The following DLG5 variants were observed in gnomAD, a reference collection of about 807,000 sequenced individuals.
DLG5 encodes the protein discs large MAGUK scaffold protein 5.
In DLG5, 48 loss-of-function variants were observed where a neutral mutation model predicts 189.8. The ratio of observed to expected loss-of-function variants is 0.25; its 90% confidence interval spans 0.20 to 0.32. The LOEUF (loss-of-function observed/expected upper bound fraction) is 0.32, where lower values mean the gene tolerates loss of function less well. Among genes scored for constraint, DLG5 ranks in the 10% least tolerant of loss-of-function variants. The probability of loss-of-function intolerance (pLI) is 1.00; values close to 1 mark genes in which losing one functional copy is unlikely to be tolerated. For missense variants in DLG5, 2,160 were observed against 2,544.7 expected, an observed-to-expected ratio of 0.85 and a Z score of 3.25; for synonymous variants, 1,016 against 1,054.1, an observed-to-expected ratio of 0.96 and a Z score of 0.70.
intron 1 of DLG5, among the ~76,000 whole-genome samples, chr10:77,917,920 G>A (rs921585156): frequency 5.3e-5 from 8 of 151,522 alleles, no homozygotes; most frequent in Non-Finnish European, 1.0e-4. Context: ...TCAGCTACCC[G>A]GGAGACTGAG....
At chr10:77,861,949 C>T (rs149870671) in intron 2 of DLG5, among the ~76,000 whole-genome samples, 43 of 152,288 alleles carry the variant, frequency 2.8e-4, no homozygotes, top group African/African-American at 1.0e-3. Flanking sequence ...CCGATGCCTC[C>T]GGCCTTTTGT....
intron 1 of DLG5, among the ~76,000 whole-genome samples, chr10:77,903,497 A>G (rs1336439415): frequency 6.6e-6 from 1 of 152,068 alleles, no homozygotes. Flanking sequence ...GGGCACCTGT[A>G]ATCCCAGCTA....
Position 77,819,991 on chromosome 10 carries a change from C to G in DLG5, c.3430G>C (p.Glu1144Gln). ...EEQKCVPASG[E>Q]LSPELQEWAP... ...CACTCCTGGAGCTCCGGGGAGAGTT[C>G]TCCACTGGCCGGGACACACTTCTGT... is the stretch of plus-strand genomic sequence containing the variant. The change falls in exon 16 of 32, where the codon GAA (glutamate) becomes CAA (glutamine). Residue 1144 changes from glutamate (E) to glutamine (Q), a missense_variant. By Grantham distance (29) the Glu-to-Gln change is conservative. Coordinates refer to ENST00000372391, the MANE Select transcript of DLG5 (RefSeq NM_004747.4). 1.9e-6 allele frequency: 3 copies of G among 1,613,488 alleles called. No homozygotes were observed. The highest frequency in any genetic ancestry group is 2.5e-6 in the Non-Finnish European group (3 of 1,179,900).
chr10:77,817,130 T>A (rs200571904), intron 18 of DLG5, 34 bp from the exon 19 acceptor site: 12 of 1,596,156 alleles, frequency 7.5e-6, no homozygotes, highest in Non-Finnish European at 7.7e-6. Flanking sequence ...ACTTCAGGCC[T>A]CATGGTTAAA....
chr10:77,835,731 C>G lies in DLG5; in HGVS notation c.1622+7G>C, dbSNP rs749545575. ...CAAGCCCACGCCAGCTTGAGGTCAC[C>G]CCATACCGGATGCTGTCACGCTCTG... On this transcript the variant is annotated splice_region_variant and intron_variant, in intron 8 of 31. Coordinates refer to ENST00000372391, the MANE Select transcript of DLG5 (RefSeq NM_004747.4). 1 of 1,607,258 alleles carries G rather than the reference C, an allele frequency of 6.2e-7. No homozygotes were observed. The highest frequency in any genetic ancestry group is 1.1e-5 in the South Asian group (1 of 90,742).
chr10:77,863,013 G>A (rs1844532224), intron 2 of DLG5, among the ~76,000 whole-genome samples: 1 of 152,128 alleles, frequency 6.6e-6, no homozygotes, highest in Non-Finnish European at 1.5e-5. Flanking sequence ...ATGACTATTT[G>A]TCAAAACTTG....
Position 77,819,935 on chromosome 10 carries a change from C to T in DLG5, c.3486G>A (p.Arg1162=), listed in dbSNP as rs146604335. 5.0e-6 allele frequency: 8 copies of T among 1,605,816 alleles called. No homozygotes were observed. Among genetic ancestry groups the T allele is most frequent in the African/African-American group, 1.3e-5 (1 of 74,728 alleles). The part of the protein sequence containing the change: ...WAPYSPGHSS[R]HSNPPLYPSR... ...TAGGGTATAGCGGGGGGTTGCTGTGCCGGCTGGAATGCCCAGGCGAGTAAG... is the reference window on the plus strand; with the variant it reads ...TAGGGTATAGCGGGGGGTTGCTGTGTCGGCTGGAATGCCCAGGCGAGTAAG... The change falls in exon 16 of 32, where the codon CGG becomes CGA. Residue 1162 remains arginine (R), a synonymous_variant. Transcript: ENST00000372391.
At chr10:77,924,426 T>C (rs1037148094) in intron 1 of DLG5, among the ~76,000 whole-genome samples, 1 of 152,180 alleles carries the variant, frequency 6.6e-6, no homozygotes, top group African/African-American at 2.4e-5. Context: ...TTAATGGCAA[T>C]TGATCCATCA....
At chr10:77,879,142 G>A (rs902188189) in intron 1 of DLG5, among the ~76,000 whole-genome samples, 2 of 152,198 alleles carry the variant, frequency 1.3e-5, no homozygotes, top group Non-Finnish European at 2.9e-5. Context: ...AGGTGGTGGG[G>A]GTGGAGAGGA....
chr10:77,802,199 C>A (rs1236845024), intron 27 of DLG5, among the ~76,000 whole-genome samples: 1 of 152,154 alleles, frequency 6.6e-6, no homozygotes, highest in Non-Finnish European at 1.5e-5. Context: ...GGAGGATAAA[C>A]CTGTGTGTTT....
At chr10:77,806,116 T>C in intron 26 of DLG5, 1 of 455,132 alleles carries the variant, frequency 2.2e-6, no homozygotes, top group Non-Finnish European at 3.9e-6. Context: ...TTCAGCTCGG[T>C]GTCAAAAGGA....
intron 17 of DLG5, 109 bp from the exon 18 acceptor site, chr10:77,817,998 G>C: frequency 5.8e-6 from 5 of 865,256 alleles, no homozygotes; most frequent in South Asian, 3.3e-5. Flanking sequence ...GCAGAAGGGA[G>C]GCCCAGGAGC....
At chr10:77,887,553 C>T (rs1589254592) in intron 1 of DLG5, among the ~76,000 whole-genome samples, 2 of 152,130 alleles carry the variant, frequency 1.3e-5, no homozygotes, top group South Asian at 2.1e-4. Flanking sequence ...AAAGCTAACA[C>T]GGTTAAGAGT....
At chr10:77,914,106 G>C (rs1846296526) in intron 1 of DLG5, among the ~76,000 whole-genome samples, 1 of 149,916 alleles carries the variant, frequency 6.7e-6, no homozygotes, top group South Asian at 2.2e-4. Flanking sequence ...TCAAAAACAA[G>C]CTCTTCAAGG....
At chr10:77,817,244 A>G in intron 18 of DLG5, 148 bp from the exon 19 acceptor site, 2 of 721,114 alleles carry the variant, frequency 2.8e-6, no homozygotes, top group Non-Finnish European at 4.8e-6. Flanking sequence ...GGAACAGTCA[A>G]GAAAAGCAGA....
At chr10:77,860,937 T>C (rs771735858) in intron 2 of DLG5, among the ~76,000 whole-genome samples, 30 of 152,258 alleles carry the variant, frequency 2.0e-4, no homozygotes, top group Admixed American at 3.9e-4. Flanking sequence ...TTACTTATTT[T>C]TTAAAAAATC....
chr10:77,919,705 G>A lies in DLG5; in HGVS notation c.304+6512C>T, dbSNP rs149178906. Among the ~76,000 whole-genome samples the A allele has an allele frequency of 9.9e-4, 148 of 150,020 alleles. 1 individual carries two copies. Among genetic ancestry groups the A allele is most frequent in the Middle Eastern group, 7.1e-3 (2 of 280 alleles). On this transcript the variant is annotated intron_variant, in intron 1 of 31. Coordinates refer to ENST00000372391, the MANE Select transcript of DLG5 (RefSeq NM_004747.4). ...GAATGACTTTCTACTCTTAGACAGC[G>A]TGGGTGCTCCACATGGCTCCTGGCA... is the stretch of plus-strand genomic sequence containing the variant.
chr10:77,908,663 T>A (rs764818215), intron 1 of DLG5, among the ~76,000 whole-genome samples: 34 of 152,184 alleles, frequency 2.2e-4, no homozygotes, highest in Non-Finnish European at 4.6e-4. Flanking sequence ...CGCCTGCCTA[T>A]GCCCAGCTCA....
intron 2 of DLG5, chr10:77,868,680 G>A: frequency 8.9e-6 from 2 of 224,574 alleles, no homozygotes; most frequent in Non-Finnish European, 1.8e-5. Flanking sequence ...CTTCCTGCTG[G>A]ACTTCAGAGA....
Sources: gnomAD v4.1 joint callset for allele counts (sites outside exome capture counted in the v4.1 genomes callset) on GRCh38, gnomAD v4.1.1 for gene constraint, MANE v1.5 for transcripts, NCBI Gene and HGNC (gene_info 2026-07-23, HGNC 2026-07-21) for gene names.